ADTRP: variants seen among roughly 807,000 people sequenced by gnomAD.
ADTRP encodes androgen-dependent TFPI-regulating protein.
In ADTRP, 20 loss-of-function variants were observed where a neutral mutation model predicts 27.0. The ratio of observed to expected loss-of-function variants is 0.74; its 90% CI spans 0.52 to 1.08. The LOEUF is 1.08. ADTRP is among the 50% of genes least tolerant of loss of function. The pLI is 0.00. For synonymous variants in ADTRP, 101 were observed against 105.2 expected, an observed-to-expected ratio of 0.96 and a Z score of 0.25; for missense variants, 251 against 275.0, an observed-to-expected ratio of 0.91 and a Z score of 0.62.
chr6:11,735,533 C>G, intron 4 of ADTRP, 35 bp downstream of exon 4: 2 of 1,532,452 alleles, frequency 1.3e-6, no homozygotes, highest in East Asian at 2.3e-5. Context: ...TCTTGAACGA[C>G]AAGCCTAAGT....
chr6:11,719,218 G>C (rs1761930998), intron 5 of ADTRP, among the ~76,000 whole-genome samples: 1 of 152,168 alleles, frequency 6.6e-6, no homozygotes, highest in Non-Finnish European at 1.5e-5. Flanking sequence ...CAGACCAGCA[G>C]CATCAGTATG....
chr6:11,727,337 T>G (rs969441242), intron 4 of ADTRP, among the ~76,000 whole-genome samples: 6 of 150,556 alleles, frequency 4.0e-5, no homozygotes, highest in African/African-American at 1.5e-4. Flanking sequence ...CTTTAAGATA[T>G]GCGTTCCATG....
At chr6:11,749,830 A>G (rs2113281550) in intron 3 of ADTRP, among the ~76,000 whole-genome samples, 1 of 152,328 alleles carries the variant, frequency 6.6e-6, no homozygotes, top group Admixed American at 6.5e-5. Flanking sequence ...CCATTCCAAG[A>G]AGCACACTTG....
intron 3 of ADTRP, chr6:11,736,538 G>A (rs1447721041): frequency 6.6e-6 from 1 of 152,440 alleles, no homozygotes; most frequent in East Asian, 1.9e-4. Context: ...CTGTTAGACC[G>A]AGGCTGTCTC....
chr6:11,758,624 C>T (rs535975417), intron 3 of ADTRP, among the ~76,000 whole-genome samples: 22 of 139,410 alleles, frequency 1.6e-4, no homozygotes, highest in Non-Finnish European at 2.6e-4. Context: ...TGCTAAATGA[C>T]GAGTTAATGG....
At chr6:11,745,460 G>A (rs1206753338) in intron 3 of ADTRP, among the ~76,000 whole-genome samples, 1 of 152,162 alleles carries the variant, frequency 6.6e-6, no homozygotes, top group African/African-American at 2.4e-5. Flanking sequence ...TCTAGGACTA[G>A]GTGAGTCCTA....
At chr6:11,727,125 G>A (rs1047318001) in intron 4 of ADTRP, among the ~76,000 whole-genome samples, 9 of 152,162 alleles carry the variant, frequency 5.9e-5, no homozygotes, top group East Asian at 1.9e-4. Flanking sequence ...TGGGTTCAGC[G>A]ATTCTCCTGC....
chr6:11,737,323 C>T (rs1438865541), intron 3 of ADTRP, among the ~76,000 whole-genome samples: 2 of 152,126 alleles, frequency 1.3e-5, no homozygotes, highest in Non-Finnish European at 2.9e-5. Flanking sequence ...CTGCAAGCTC[C>T]CGCCCCATCT....
chr6:11,751,128 C>T (rs191157404), intron 3 of ADTRP, among the ~76,000 whole-genome samples: 18 of 152,310 alleles, frequency 1.2e-4, no homozygotes, highest in South Asian at 4.1e-4. Context: ...GGATTACAGG[C>T]GTGAACCACT....
intron 1 of ADTRP, among the ~76,000 whole-genome samples, chr6:11,772,786 G>C (rs79505193): frequency 6.6e-6 from 1 of 152,176 alleles, no homozygotes; most frequent in Non-Finnish European, 1.5e-5. Flanking sequence ...ATCTGTATTC[G>C]TATGGAATAT....
intron 3 of ADTRP, among the ~76,000 whole-genome samples, chr6:11,759,259 C>G (rs143644763): frequency 7.2e-5 from 11 of 152,252 alleles, no homozygotes; most frequent in African/African-American, 1.7e-4. Context: ...GTAGAAGAAC[C>G]TTTTGGAAAA....
At chr6:11,763,007 G>T (rs1763442138) in intron 3 of ADTRP, among the ~76,000 whole-genome samples, 1 of 152,206 alleles carries the variant, frequency 6.6e-6, no homozygotes, top group Non-Finnish European at 1.5e-5. Context: ...GGGCTACTTT[G>T]CTGTTCTTTC....
At chr6:11,745,444 T>C (rs1262681499) in intron 3 of ADTRP, among the ~76,000 whole-genome samples, 3 of 152,188 alleles carry the variant, frequency 2.0e-5, no homozygotes, top group African/African-American at 4.8e-5. Flanking sequence ...AACCCTACAG[T>C]GTCAATCTAG....
At chr6:11,759,167 C>T (rs150758049) in intron 3 of ADTRP, among the ~76,000 whole-genome samples, 64 of 152,270 alleles carry the variant, frequency 4.2e-4, no homozygotes, top group African/African-American at 1.4e-3. Context: ...TTTTGTTGGG[C>T]CCCTTGGAAG....
chr6:11,772,209 C>T (rs1292912441), intron 1 of ADTRP, among the ~76,000 whole-genome samples: 7 of 152,240 alleles, frequency 4.6e-5, no homozygotes, highest in Non-Finnish European at 1.0e-4. Context: ...TCTGTTCCCA[C>T]TGCGTGTTCC....
intron 3 of ADTRP, among the ~76,000 whole-genome samples, chr6:11,761,060 T>C (rs1763376481): frequency 6.6e-6 from 1 of 152,232 alleles, no homozygotes; most frequent in Non-Finnish European, 1.5e-5. Context: ...TTCTTGTTTT[T>C]TAGAGATGCC....
intron 4 of ADTRP, among the ~76,000 whole-genome samples, chr6:11,725,899 C>CAAAAAAAA (rs59048593): frequency 0.44 from 38,596 of 87,560 alleles, 8,855 homozygotes; most frequent in Non-Finnish European, 0.51. Flanking sequence ...GACTCTATCT[C>CAAAAAAAA]AAAAAAAAAA....
intron 2 of ADTRP, 107 bp downstream of exon 2, chr6:11,768,142 T>C (rs1228580315): frequency 7.3e-7 from 1 of 1,361,256 alleles, no homozygotes; most frequent in African/African-American, 1.5e-5. Flanking sequence ...GTAAATGCAG[T>C]GGGTGTGGTT....
intron 3 of ADTRP, among the ~76,000 whole-genome samples, chr6:11,741,024 G>A (rs1762699137): frequency 6.6e-6 from 1 of 152,048 alleles, no homozygotes; most frequent in South Asian, 2.1e-4. Context: ...TACTTTCTAG[G>A]AACTCAAGTG....
Sources: allele counts gnomAD v4.1 joint callset (sites outside exome capture counted in the v4.1 genomes callset), GRCh38; gene constraint gnomAD v4.1.1; transcripts MANE v1.5; gene names NCBI Gene and HGNC (gene_info 2026-07-23, HGNC 2026-07-21).